The following SLC26A3 variants were observed in gnomAD, a reference collection of about 807,000 sequenced individuals.
SLC26A3 encodes the protein chloride anion exchanger.
Under a neutral mutation model 85.6 loss-of-function variants are expected in SLC26A3, and 64 were observed. The observed-to-expected ratio is 0.75, with a 90% CI of 0.61 to 0.92. The LOEUF (loss-of-function observed/expected upper bound fraction) is 0.92. Ranked by LOEUF, SLC26A3 falls within the 40% of genes least tolerant of loss-of-function variation. The pLI is 0.00. For missense variants in SLC26A3, 922 were observed against 927.3 expected (o/e 0.99, Z 0.07); for synonymous variants, 349 against 336.0 (o/e 1.04, Z -0.42).
At chr7:107,776,980 G>A (rs1187733177) in intron 13 of SLC26A3, among the ~76,000 whole-genome samples, 1 of 152,198 alleles carries the variant, frequency 6.6e-6, no homozygotes. Flanking sequence ...GAATATCACA[G>A]TTATTCCATG....
chr7:107,794,236 G>A (rs1216749988), intron 2 of SLC26A3, 143 bp downstream of exon 2: 1 of 930,214 alleles, frequency 1.1e-6, no homozygotes, highest in East Asian at 2.5e-5. Flanking sequence ...ACTCTGTCAG[G>A]GAGTAGGAGG....
Position 107,793,852 on chromosome 7 carries a change from A to G in SLC26A3, c.161T>C (p.Val54Ala). ...SCSPQKAKRI[V>A]LSLFPIASWL... ...AGATGCTATGGGGAACAAAGAGAGG[A>G]CAATTCTCTTGGCCTTTTGTGGGGA... is the stretch of plus-strand genomic sequence containing the variant. Residue 54 changes from valine (V) to alanine (A), a missense_variant, in exon 3 of 21, where the codon GTC (valine) becomes GCC (alanine). By Grantham distance (64) the Val-to-Ala change is moderately conservative. Transcript: ENST00000340010. 1 of 1,613,892 alleles carries G rather than the reference A, an allele frequency of 6.2e-7. No homozygotes were observed. Among genetic ancestry groups the G allele is most frequent in the East Asian group, 2.2e-5 (1 of 44,882 alleles).
chr7:107,791,906 T>C lies in SLC26A3; in HGVS notation c.306A>G (p.Pro102=), dbSNP rs1269289928. 6.2e-7 allele frequency: 1 copy of C among 1,613,636 alleles called. No individual in the cohort carries two copies. The highest frequency in any genetic ancestry group is 1.7e-5 in the Admixed American group (1 of 60,006). ...LAFALLVDIP[P]VYGLYASFFP... ...AAAAGGATGCATACAACCCATAGAC[T>C]GGGGGAATGTCGACCAGCAGAGCAA... The change falls in exon 4 of 21, where the codon CCA becomes CCG. Residue 102 remains proline, a synonymous_variant. Transcript: ENST00000340010.
rs374448699 is a variant in SLC26A3, at chr7:107,782,900, A to G, written c.1234-26T>C. Reference sequence around the variant, plus strand: ...CTGTGAGGATAAAAAAATTATCATCACCAACTCAACTTTTCCCCTGGCTTG... The same window carrying G: ...CTGTGAGGATAAAAAAATTATCATCGCCAACTCAACTTTTCCCCTGGCTTG... On this transcript the variant is annotated intron_variant, in intron 10 of 20. Coordinates refer to ENST00000340010, the MANE Select transcript of SLC26A3 (RefSeq NM_000111.3). The G allele has an allele frequency of 3.1e-6, 5 of 1,613,686 alleles. No individual in the cohort carries two copies. In the African/African-American group the frequency reaches 6.7e-5, roughly 22 times the overall value.
At chr7:107,798,429 C>T (rs1034085294) in intron 1 of SLC26A3, among the ~76,000 whole-genome samples, 2 of 152,180 alleles carry the variant, frequency 1.3e-5, no homozygotes, top group African/African-American at 4.8e-5. Flanking sequence ...CGAGAACCTC[C>T]ACTCTGCCTG....
chr7:107,774,203 T>C (rs779399758), intron 16 of SLC26A3, 50 bp from the exon 17 acceptor site: 2 of 1,401,836 alleles, frequency 1.4e-6, no homozygotes, highest in Non-Finnish European at 2.0e-6. Context: ...AAAAACATTG[T>C]GTATGTCAGA....
intron 6 of SLC26A3, 112 bp from the exon 7 acceptor site, chr7:107,787,621 C>T (rs555517752): frequency 3.3e-6 from 3 of 899,456 alleles, no homozygotes; most frequent in Admixed American, 2.1e-5. Context: ...CTGATAGAGA[C>T]TGATAGTGAT....
chr7:107,767,513 C>T, intron 20 of SLC26A3, 66 bp downstream of exon 20: 1 of 1,206,856 alleles, frequency 8.3e-7, no homozygotes, highest in South Asian at 1.2e-5. Flanking sequence ...GAAGTGGCCT[C>T]ACTACTTTGA....
At chr7:107,785,994 C>A (rs1794288686) in intron 8 of SLC26A3, among the ~76,000 whole-genome samples, 1 of 152,196 alleles carries the variant, frequency 6.6e-6, no homozygotes, top group African/African-American at 2.4e-5. Context: ...AAATGATCTT[C>A]CTTCTCAATC....
chr7:107,767,452 G>T, intron 20 of SLC26A3, 127 bp downstream of exon 20: 1 of 730,992 alleles, frequency 1.4e-6, no homozygotes. Context: ...CAGTTTTCTA[G>T]GGATGAGGCA....
chr7:107,777,344 C>T (rs1159846493), intron 13 of SLC26A3, among the ~76,000 whole-genome samples: 4 of 152,172 alleles, frequency 2.6e-5, no homozygotes, highest in Non-Finnish European at 5.9e-5. Context: ...ACTGTAATCC[C>T]AGCACTTTGG....
chr7:107,768,450 C>A (rs1793952295), intron 18 of SLC26A3, among the ~76,000 whole-genome samples: 1 of 152,176 alleles, frequency 6.6e-6, no homozygotes, highest in Non-Finnish European at 1.5e-5. Flanking sequence ...ATAGATGACT[C>A]AACCAACTAT....
intron 18 of SLC26A3, among the ~76,000 whole-genome samples, chr7:107,771,062 G>A (rs1291863837): frequency 6.6e-6 from 1 of 151,880 alleles, no homozygotes; most frequent in African/African-American, 2.4e-5. Context: ...AAGTGAGAAG[G>A]GTCTAGATTA....
chr7:107,773,845 C>T, intron 17 of SLC26A3, 75 bp downstream of exon 17: 2 of 1,274,804 alleles, frequency 1.6e-6, no homozygotes, highest in Non-Finnish European at 1.1e-6. Context: ...GCCACTGTGC[C>T]CAGCCCACAA....
At chr7:107,798,975 T>TCAGAGGGATCTCCATCGGCAGC (rs1190527273) in intron 1 of SLC26A3, among the ~76,000 whole-genome samples, 2 of 152,120 alleles carry the variant, frequency 1.3e-5, no homozygotes, top group Non-Finnish European at 2.9e-5. Context: ...GTGAGCACCT[T>TCAGAGGGATCTCCATCGGCAGC]CAGAGGGATC....
chr7:107,776,653 T>A lies in SLC26A3; in HGVS notation c.1568A>T (p.Lys523Ile). ...NIGRTNIYKN[K>I]KDYYDMYEPE... Reference sequence around the variant, plus strand: ...CTCCCTTACATCATAATAATCTTTTTTATTCTTATAGATGTTGGTTCTTCC... The same window carrying A: ...CTCCCTTACATCATAATAATCTTTTATATTCTTATAGATGTTGGTTCTTCC... The change falls in exon 14 of 21, where the codon AAA (lysine) becomes ATA (isoleucine). Residue 523 changes from lysine to isoleucine, a missense_variant. Transcript: ENST00000340010. The A allele has an allele frequency of 6.2e-7, 1 of 1,613,780 alleles. No individual in the cohort carries two copies. Among genetic ancestry groups the A allele is most frequent in the Non-Finnish European group, 8.5e-7 (1 of 1,179,754 alleles).
At position 107,776,722 on chromosome 7, in the gene SLC26A3, C is replaced by T; in HGVS notation, c.1515-16G>A. Reference sequence around the variant, plus strand: ...GCATTTTGGACTGTAGGGAGAAAAACACCAAGTAAATCATTCATGTATGTT... The same window carrying T: ...GCATTTTGGACTGTAGGGAGAAAAATACCAAGTAAATCATTCATGTATGTT... On this transcript the variant is annotated splice_polypyrimidine_tract_variant and intron_variant, in intron 13 of 20. Coordinates refer to ENST00000340010, the MANE Select transcript of SLC26A3 (RefSeq NM_000111.3). The T allele has an allele frequency of 1.2e-6, 2 of 1,610,082 alleles. No individual in the cohort carries two copies. The highest frequency in any genetic ancestry group is 1.7e-6 in the Non-Finnish European group (2 of 1,177,364).
intron 6 of SLC26A3, among the ~76,000 whole-genome samples, chr7:107,788,784 C>CTTTTTTTT (rs71861759): frequency 9.3e-6 from 1 of 108,064 alleles, no homozygotes; most frequent in Admixed American, 1.1e-4. Flanking sequence ...TTTTTCTTTT[C>CTTTTTTTT]TTTTTTTTTT....
intron 11 of SLC26A3, among the ~76,000 whole-genome samples, chr7:107,780,886 T>C (rs1418307127): frequency 1.3e-5 from 2 of 152,188 alleles, no homozygotes; most frequent in African/African-American, 4.8e-5. Context: ...GTACTGATAT[T>C]GTACTACAGC....
Sources: allele counts gnomAD v4.1 joint callset (sites outside exome capture counted in the v4.1 genomes callset), GRCh38; gene constraint gnomAD v4.1.1; transcripts MANE v1.5; gene names NCBI Gene and HGNC (gene_info 2026-07-23, HGNC 2026-07-21).